Variants in ATRNL1 observed in about 807,000 individuals in gnomAD.
The protein encoded by ATRNL1 is attractin-like protein 1.
Under a neutral mutation model 182.7 loss-of-function variants are expected in ATRNL1, and 95 were observed. That is an observed-to-expected ratio of 0.52 (90% CI 0.44 to 0.62). The LOEUF is 0.62. Ranked by LOEUF, ATRNL1 falls within the 20% of genes least tolerant of loss-of-function variation. The pLI, the probability that ATRNL1 is intolerant of heterozygous loss-of-function variation, is 0.00. For missense variants in ATRNL1, 1,471 were observed against 1,679.5 expected (o/e 0.88, Z 2.17); for synonymous variants, 576 against 568.3 (o/e 1.01, Z -0.19).
intron 18 of ATRNL1, among the ~76,000 whole-genome samples, chr10:115,326,921 A>T (rs1854923060): frequency 6.6e-6 from 1 of 152,234 alleles, no homozygotes; most frequent in South Asian, 2.1e-4. Context: ...TACACCTTAT[A>T]CAAAAATCAA....
intron 27 of ATRNL1, among the ~76,000 whole-genome samples, chr10:115,811,209 A>G (rs1402740101): frequency 6.6e-6 from 1 of 151,602 alleles, no homozygotes; most frequent in South Asian, 2.1e-4. Context: ...ACTTTTTTCA[A>G]TTTTCCTTGT....
chr10:115,185,146 T>G (rs1039360197), intron 8 of ATRNL1, among the ~76,000 whole-genome samples: 2 of 151,962 alleles, frequency 1.3e-5, no homozygotes, highest in African/African-American at 4.8e-5. Flanking sequence ...AATAGATACA[T>G]GGATATGTAG....
At chr10:115,928,848 AC>A (rs1555120921) in intron 28 of ATRNL1, among the ~76,000 whole-genome samples, 1 of 151,998 alleles carries the variant, frequency 6.6e-6, no homozygotes. Flanking sequence ...TGTGAAAAGC[AC>A]CTTTATTACT....
intron 26 of ATRNL1, among the ~76,000 whole-genome samples, chr10:115,609,003 A>G (rs1857010917): frequency 6.6e-6 from 1 of 151,980 alleles, no homozygotes; most frequent in African/African-American, 2.4e-5. Context: ...TATCTAAATA[A>G]TATACTTGTA....
At chr10:115,757,599 C>T (rs1170345010) in intron 27 of ATRNL1, among the ~76,000 whole-genome samples, 2 of 152,030 alleles carry the variant, frequency 1.3e-5, no homozygotes, top group Non-Finnish European at 2.9e-5. Flanking sequence ...ACATTTTTTC[C>T]TTCACTTCAA....
chr10:115,426,914 G>T (rs1845927879), intron 21 of ATRNL1, among the ~76,000 whole-genome samples: 1 of 152,034 alleles, frequency 6.6e-6, no homozygotes, highest in African/African-American at 2.4e-5. Context: ...TTGTAGAGTT[G>T]GGGTTTTGCC....
chr10:115,729,633 T>C (rs1364447923), intron 27 of ATRNL1, among the ~76,000 whole-genome samples: 1 of 152,076 alleles, frequency 6.6e-6, no homozygotes, highest in Non-Finnish European at 1.5e-5. Flanking sequence ...TCTATTTTTA[T>C]GTTGCTTATA....
chr10:115,163,746 C>A (rs1159401259), intron 6 of ATRNL1, among the ~76,000 whole-genome samples: 3 of 152,154 alleles, frequency 2.0e-5, no homozygotes, highest in Non-Finnish European at 4.4e-5. Flanking sequence ...AAAATATTTA[C>A]TGTCTGGCCC....
At chr10:115,819,682 C>T (rs1950247555) in intron 27 of ATRNL1, among the ~76,000 whole-genome samples, 1 of 152,038 alleles carries the variant, frequency 6.6e-6, no homozygotes, top group Non-Finnish European at 1.5e-5. Context: ...GCACCCTGTA[C>T]TTTATATGAA....
intron 22 of ATRNL1, among the ~76,000 whole-genome samples, chr10:115,463,392 G>A (rs754382505): frequency 3.8e-4 from 57 of 151,984 alleles, no homozygotes; most frequent in Non-Finnish European, 6.9e-4. Context: ...AATACAAGCC[G>A]TCCTTCACTG....
At chr10:115,201,731 T>C (rs1358053342) in intron 8 of ATRNL1, among the ~76,000 whole-genome samples, 2 of 152,082 alleles carry the variant, frequency 1.3e-5, no homozygotes, top group Non-Finnish European at 2.9e-5. Flanking sequence ...TTTGGTTCCA[T>C]ATGAACTTTA....
chr10:115,267,587 C>T (rs781912196), intron 12 of ATRNL1, among the ~76,000 whole-genome samples: 10 of 151,790 alleles, frequency 6.6e-5, no homozygotes, highest in South Asian at 2.1e-4. Context: ...TACATTTTTG[C>T]GGTTACAATT....
At chr10:115,519,350 G>T in intron 25 of ATRNL1, 26 bp downstream of exon 25, 1 of 1,591,190 alleles carries the variant, frequency 6.3e-7, no homozygotes, top group South Asian at 1.1e-5. Flanking sequence ...GACTGACTTT[G>T]AACTTTTCAA....
chr10:115,445,148 G>A (rs1216662618), intron 21 of ATRNL1, among the ~76,000 whole-genome samples: 1 of 151,488 alleles, frequency 6.6e-6, no homozygotes, highest in Non-Finnish European at 1.5e-5. Flanking sequence ...GCACTTGGCT[G>A]CTGGGCAAAA....
At chr10:115,242,270 T>G (rs782556800) in intron 10 of ATRNL1, among the ~76,000 whole-genome samples, 2 of 151,996 alleles carry the variant, frequency 1.3e-5, no homozygotes, top group African/African-American at 2.4e-5. Context: ...AACAACTATA[T>G]AAGCATGTTT....
intron 13 of ATRNL1, among the ~76,000 whole-genome samples, chr10:115,269,441 T>C (rs1592354964): frequency 1.3e-5 from 2 of 152,138 alleles, no homozygotes; most frequent in Non-Finnish European, 2.9e-5. Flanking sequence ...TTCAAGTGAT[T>C]CTTCTGCCTC....
intron 26 of ATRNL1, among the ~76,000 whole-genome samples, chr10:115,683,544 T>G (rs1946117800): frequency 9.3e-6 from 1 of 107,060 alleles, no homozygotes. Flanking sequence ...AGAAGAGAAC[T>G]AGCGTTTTTT....
At chr10:115,334,518 T>A in intron 19 of ATRNL1, 99 bp downstream of exon 19, 7 of 853,380 alleles carry the variant, frequency 8.2e-6, no homozygotes, top group Non-Finnish European at 1.1e-5. Flanking sequence ...CTACAGAAAA[T>A]TTTTTACTCA....
intron 21 of ATRNL1, among the ~76,000 whole-genome samples, chr10:115,441,373 C>T (rs946539880): frequency 7.9e-5 from 12 of 151,932 alleles, no homozygotes; most frequent in African/African-American, 2.9e-4. Context: ...CCACCCATTT[C>T]CTCTTCAATC....
Sources: gnomAD v4.1 joint callset for allele counts (sites outside exome capture counted in the v4.1 genomes callset) on GRCh38, gnomAD v4.1.1 for gene constraint, MANE v1.5 for transcripts, NCBI Gene and HGNC (gene_info 2026-07-23, HGNC 2026-07-21) for gene names.